Variants in ALMS1 observed in about 807,000 individuals in gnomAD.
ALMS1 encodes centrosome-associated protein ALMS1.
In ALMS1, 271 loss-of-function variants were observed where a neutral mutation model predicts 352.2. That is an observed-to-expected ratio of 0.77 (90% CI 0.70 to 0.85). ALMS1 has a LOEUF of 0.85. Among genes scored for constraint, ALMS1 ranks in the 40% least tolerant of loss-of-function variants. The probability of loss-of-function intolerance (pLI) is 0.00; values close to 1 mark genes in which losing one functional copy is unlikely to be tolerated. For missense variants in ALMS1, 5,445 were observed against 4,870.7 expected (o/e 1.12, Z -3.51); for synonymous variants, 1,865 against 1,761.2 (o/e 1.06, Z -1.48).
rs567390046 is a variant in ALMS1, at chr2:73,461,086, A to G, written c.7674+5791A>G. Among the ~76,000 whole-genome samples the G allele has an allele frequency of 1.5e-4, 23 of 152,320 alleles. No individual in the cohort carries two copies. The South Asian group carries it at 4.8e-3, about 32-fold the overall frequency. ...GTCCCTGTCTGACAGCTTTGAAGAG[A>G]GTAGTGGTTCTCCCAGCACGCAGCT... On this transcript the variant is annotated intron_variant, in intron 9 of 22. Coordinates refer to ENST00000613296, the MANE Select transcript of ALMS1 (RefSeq NM_001378454.1).
chr2:73,400,213 TGGAATTACAGGTG>T (rs1200420575), intron 1 of ALMS1, among the ~76,000 whole-genome samples: 4 of 152,228 alleles, frequency 2.6e-5, no homozygotes, highest in Non-Finnish European at 5.9e-5. Context: ...CTCAAAGTGC[TGGAATTACAGGTG>T]GGAGCCACTG....
At position 73,534,889 on chromosome 2, in the gene ALMS1, A is replaced by C. The variant is rs1224859058; in HGVS notation, c.9847A>C (p.Arg3283=). ...STKMYYVPQL[R]QIPPSPDSKS... Reference sequence around the variant, plus strand: ...CAAGATGTATTATGTTCCACAATTAAGACAAATTCCTCCATCTCCGGATTC... The same window carrying C: ...CAAGATGTATTATGTTCCACAATTACGACAAATTCCTCCATCTCCGGATTC... Residue 3283 remains arginine, a synonymous_variant, in exon 12 of 23, where the codon AGA becomes CGA. Transcript: ENST00000613296. 6.2e-7 allele frequency: 1 copy of C among 1,613,800 alleles called. No individual in the cohort carries two copies.
intron 9 of ALMS1, among the ~76,000 whole-genome samples, chr2:73,481,396 GCA>G (rs1672700926): frequency 6.6e-6 from 1 of 152,160 alleles, no homozygotes; most frequent in Non-Finnish European, 1.5e-5. Flanking sequence ...TAGATATGCT[GCA>G]TTATTTCTGA....
intron 7 of ALMS1, among the ~76,000 whole-genome samples, chr2:73,443,634 G>A (rs1280630265): frequency 6.9e-6 from 1 of 144,214 alleles, no homozygotes; most frequent in Admixed American, 6.8e-5. Flanking sequence ...TGAGGGTAGA[G>A]CTCGGGCTTT....
intron 10 of ALMS1, among the ~76,000 whole-genome samples, chr2:73,503,630 G>T (rs999738284): frequency 2.6e-5 from 4 of 152,072 alleles, no homozygotes; most frequent in Non-Finnish European, 5.9e-5. Context: ...GGGATGGCTG[G>T]GTCAAATGGT....
intron 15 of ALMS1, among the ~76,000 whole-genome samples, chr2:73,568,992 C>CCTCT (rs1558697963): frequency 1.2e-4 from 8 of 66,904 alleles, no homozygotes; most frequent in African/African-American, 3.6e-4. Context: ...GCTGCTTCTG[C>CCTCT]TTCTTTTTTT....
At chr2:73,602,547 C>T (rs1573055898) in intron 20 of ALMS1, among the ~76,000 whole-genome samples, 179 bp downstream of exon 20, 1 of 152,244 alleles carries the variant, frequency 6.6e-6, no homozygotes, top group South Asian at 2.1e-4. Flanking sequence ...GCCGTCAGCA[C>T]ATTCATGATC....
At chr2:73,564,465 C>CAAA (rs367797062) in intron 15 of ALMS1, among the ~76,000 whole-genome samples, 11 of 63,286 alleles carry the variant, frequency 1.7e-4, no homozygotes, top group East Asian at 8.3e-4. Flanking sequence ...GACTCCGTCT[C>CAAA]AAAAAAAAAA....
At chr2:73,584,287 T>C (rs2104140557) in intron 16 of ALMS1, among the ~76,000 whole-genome samples, 1 of 152,364 alleles carries the variant, frequency 6.6e-6, no homozygotes, top group East Asian at 1.9e-4. Flanking sequence ...ATTGACTAGC[T>C]TCTGTTTCAA....
chr2:73,400,063 G>A (rs1013700355), intron 1 of ALMS1, among the ~76,000 whole-genome samples: 3 of 150,528 alleles, frequency 2.0e-5, no homozygotes, highest in Non-Finnish European at 4.4e-5. Flanking sequence ...TCACCCTCCT[G>A]AGTAACTGGG....
At chr2:73,581,405 CT>C (rs1675175021) in intron 16 of ALMS1, among the ~76,000 whole-genome samples, 1 of 152,206 alleles carries the variant, frequency 6.6e-6, no homozygotes, top group Non-Finnish European at 1.5e-5. Flanking sequence ...TCCGTGCTGT[CT>C]TTGGGAGCAG....
intron 13 of ALMS1, among the ~76,000 whole-genome samples, chr2:73,556,837 G>C (rs1674555562): frequency 6.6e-6 from 1 of 151,912 alleles, no homozygotes. Context: ...TGAGTAGCTG[G>C]GACTACAGGC....
At chr2:73,464,672 G>A (rs1340298837) in intron 9 of ALMS1, among the ~76,000 whole-genome samples, 2 of 152,098 alleles carry the variant, frequency 1.3e-5, no homozygotes, top group Non-Finnish European at 2.9e-5. Context: ...GTTTGCAGAT[G>A]ACATGATTGT....
At chr2:73,510,098 A>G (rs1165372593) in intron 10 of ALMS1, among the ~76,000 whole-genome samples, 2 of 152,118 alleles carry the variant, frequency 1.3e-5, no homozygotes, top group African/African-American at 4.8e-5. Flanking sequence ...TAAACTGGTT[A>G]TTCTAGTTAG....
intron 1 of ALMS1, among the ~76,000 whole-genome samples, chr2:73,407,782 T>A (rs1477201221): frequency 2.6e-5 from 4 of 152,164 alleles, no homozygotes; most frequent in Non-Finnish European, 4.4e-5. Context: ...GGTCTGGAAC[T>A]CCTGACCTCA....
At chr2:73,418,598 C>G (rs983581612) in intron 2 of ALMS1, among the ~76,000 whole-genome samples, 2 of 152,216 alleles carry the variant, frequency 1.3e-5, no homozygotes, top group African/African-American at 2.4e-5. Context: ...TAACATGACT[C>G]TCTGCTGACT....
chr2:73,448,093 A>G lies in ALMS1; in HGVS notation c.1566A>G (p.Val522=), dbSNP rs1411790516. Residue 522 remains valine, a synonymous_variant, in exon 8 of 23, where the codon GTA becomes GTG. Coordinates refer to ENST00000613296, the MANE Select transcript of ALMS1 (RefSeq NM_001378454.1). ...LSLEDLSQLA[V]SSPLETTTGQ... ...TTGAGGACCTGTCTCAGTTGGCTGTAAGTTCTCCTCTAGAAACTACTACTG... is the reference window on the plus strand; with the variant it reads ...TTGAGGACCTGTCTCAGTTGGCTGTGAGTTCTCCTCTAGAAACTACTACTG... 2 of 1,581,142 alleles carry G rather than the reference A, an allele frequency of 1.3e-6. No homozygotes were observed. Among genetic ancestry groups the G allele is most frequent in the Non-Finnish European group, 1.7e-6 (2 of 1,170,494 alleles).
intron 8 of ALMS1, among the ~76,000 whole-genome samples, chr2:73,454,788 A>C (rs1672025906): frequency 6.6e-6 from 1 of 152,084 alleles, no homozygotes; most frequent in Admixed American, 6.6e-5. Context: ...TTTATTCTAC[A>C]AAAAAACCTC....
At chr2:73,387,613 AG>A (rs1670565351) in intron 1 of ALMS1, among the ~76,000 whole-genome samples, 1 of 152,214 alleles carries the variant, frequency 6.6e-6, no homozygotes, top group African/African-American at 2.4e-5. Context: ...ACAGACTGCA[AG>A]GCTTTGTGTG....
Sources: gnomAD v4.1 joint callset for allele counts (sites outside exome capture counted in the v4.1 genomes callset) on GRCh38, gnomAD v4.1.1 for gene constraint, MANE v1.5 for transcripts, NCBI Gene and HGNC (gene_info 2026-07-23, HGNC 2026-07-21) for gene names.